ILF2: variants seen among roughly 807,000 people sequenced by gnomAD.
ILF2 encodes interleukin enhancer-binding factor 2.
ILF2 carries 9 observed loss-of-function variants against 55.3 expected under a neutral mutation model. That is an observed-to-expected ratio of 0.16 (90% confidence interval 0.10 to 0.28). ILF2 has a LOEUF of 0.28. Ranked by LOEUF, ILF2 falls within the 10% of genes least tolerant of loss-of-function variation. The pLI is 1.00. For missense variants in ILF2, 266 were observed against 474.9 expected, an observed-to-expected ratio of 0.56 and a Z score of 4.09; for synonymous variants, 151 against 161.8, an observed-to-expected ratio of 0.93 and a Z score of 0.50.
intron 8 of ILF2, 85 bp from the exon 9 acceptor site, chr1:153,664,559 GGAA>G (rs1669259737): frequency 2.8e-6 from 3 of 1,072,388 alleles, no homozygotes; most frequent in African/African-American, 1.5e-5. Flanking sequence ...TTAAAAACTT[GGAA>G]GGAGGGCAGG....
chr1:153,666,183 T>C (rs1352807767), intron 6 of ILF2, among the ~76,000 whole-genome samples: 1 of 151,112 alleles, frequency 6.6e-6, no homozygotes, highest in Non-Finnish European at 1.5e-5. Flanking sequence ...TGCTTTTTTT[T>C]TCTTTTTTTC....
rs904373018 is a variant in ILF2, at chr1:153,667,311, CT to C, written c.394+243del. On this transcript the variant is annotated intron_variant, in intron 6 of 13. Transcript: ENST00000361891. ...CGAGCAACACGGTGAAACCCTGTAT[CT>C]ACAAAAAATACAAAAATTAGCTGGG... 6 of 550,414 alleles carry C rather than the reference CT, an allele frequency of 1.1e-5. No individual in the cohort carries two copies. In the African/African-American group the frequency reaches 1.1e-4, roughly 10 times the overall value. The allele number at this position is 550,414 out of a possible 1,614,324, so 34.1% of individuals were successfully genotyped here. A position where few individuals can be genotyped will look rare whatever the true frequency, so the allele number is the denominator to read the frequency against.
At chr1:153,668,709 G>T in intron 3 of ILF2, 152 bp from the exon 4 acceptor site, 1 of 889,022 alleles carries the variant, frequency 1.1e-6, no homozygotes, top group Non-Finnish European at 1.7e-6. Flanking sequence ...GGGCGTGGTG[G>T]CTCACACCTG....
In ILF2 at chr1:153,662,337, T is replaced by A; in HGVS notation, c.*59A>T. ...ATGTCTGTCACCATGTAAAGCCCAG[T>A]AGCAGGCAGCTTAGGCTCCAGTCTT... On this transcript the variant is annotated 3_prime_UTR_variant, in exon 14 of 14. Coordinates refer to ENST00000361891, the MANE Select transcript of ILF2 (RefSeq NM_004515.4). The A allele has an allele frequency of 1.9e-6, 3 of 1,606,864 alleles. No homozygotes were observed. Among genetic ancestry groups the A allele is most frequent in the Admixed American group, 1.7e-5 (1 of 59,360 alleles).
At chr1:153,663,549 T>G (rs1014906533) in intron 10 of ILF2, among the ~76,000 whole-genome samples, 4 of 151,908 alleles carry the variant, frequency 2.6e-5, no homozygotes, top group African/African-American at 4.8e-5. Flanking sequence ...CCCAGGCTGG[T>G]CTCAAACTCC....
chr1:153,668,735 G>C (rs1669372789), intron 3 of ILF2, among the ~76,000 whole-genome samples, 178 bp from the exon 4 acceptor site: 1 of 151,514 alleles, frequency 6.6e-6, no homozygotes, highest in African/African-American at 2.4e-5. Context: ...CCAGCTACTT[G>C]GGAGGCTGAG....
chr1:153,670,869 A>C lies in ILF2; in HGVS notation c.5+49T>G, dbSNP rs145411921. On this transcript the variant is annotated intron_variant, in intron 1 of 13. Coordinates refer to ENST00000361891, the MANE Select transcript of ILF2 (RefSeq NM_004515.4). ...GACTTCTTTCGGCCCACGTTCACAA[A>C]GTTTTCCGTCGAATACCTGAAACCT... The C allele has an allele frequency of 2.8e-4, 457 of 1,613,092 alleles. No homozygotes were observed. The African/African-American group carries it at 4.5e-3, about 16-fold the overall frequency.
intron 12 of ILF2, 27 bp downstream of exon 12, chr1:153,662,992 C>T: frequency 6.3e-7 from 1 of 1,575,854 alleles, no homozygotes; most frequent in Non-Finnish European, 8.7e-7. Flanking sequence ...TGGGGCAAAA[C>T]AACTCAGTTC....
Position 153,662,391 on chromosome 1 carries a change from G to A in ILF2, c.*5C>T, listed in dbSNP as rs376347950. 7.7e-5 allele frequency: 124 copies of A among 1,613,880 alleles called. No individual in the cohort carries two copies. In the African/African-American group the frequency reaches 1.3e-3, roughly 16 times the overall value. On this transcript the variant is annotated 3_prime_UTR_variant, in exon 14 of 14. Coordinates refer to ENST00000361891, the MANE Select transcript of ILF2 (RefSeq NM_004515.4). Reference sequence around the variant, plus strand: ...CCTTGGGTAGGAAAAGGAGTGAAGGGAATGTCACTCCTGAGTTTCCATGCT... The same window carrying A: ...CCTTGGGTAGGAAAAGGAGTGAAGGAAATGTCACTCCTGAGTTTCCATGCT...
chr1:153,665,805 ACT>A, intron 6 of ILF2, 77 bp from the exon 7 acceptor site: 1 of 1,085,882 alleles, frequency 9.2e-7, no homozygotes, highest in Admixed American at 2.0e-5. Flanking sequence ...GCTACTTTGC[ACT>A]CTCATTTCTG....
chr1:153,664,301 G>A, intron 9 of ILF2, 95 bp downstream of exon 9: 1 of 1,163,384 alleles, frequency 8.6e-7, no homozygotes, highest in East Asian at 2.4e-5. Flanking sequence ...GAGGTCACAG[G>A]CAAAATAGTT....
chr1:153,664,338 T>C (rs1253067480), intron 9 of ILF2, 58 bp downstream of exon 9: 3 of 1,351,736 alleles, frequency 2.2e-6, no homozygotes, highest in Non-Finnish European at 3.2e-6. Flanking sequence ...GGGGGTATCC[T>C]GCTATTCACT....
chr1:153,663,821 A>G (rs1252959854), intron 10 of ILF2, among the ~76,000 whole-genome samples: 3 of 151,840 alleles, frequency 2.0e-5, no homozygotes, highest in African/African-American at 7.3e-5. Context: ...AAAAAAAAAA[A>G]ACTTTGAATT....
intron 10 of ILF2, 141 bp from the exon 11 acceptor site, chr1:153,663,417 C>T (rs996749121): frequency 2.3e-5 from 17 of 747,272 alleles, no homozygotes; most frequent in African/African-American, 5.2e-5. Flanking sequence ...TAACCGCGAA[C>T]TCCTGGGCTC....
chr1:153,666,455 T>G (rs1669308928), intron 6 of ILF2, among the ~76,000 whole-genome samples: 1 of 152,072 alleles, frequency 6.6e-6, no homozygotes, highest in Non-Finnish European at 1.5e-5. Flanking sequence ...CGTGAGCCAC[T>G]GCACCCGGCC....
chr1:153,664,401 C>T lies in ILF2; in HGVS notation c.651G>A (p.Gln217=). 6.2e-7 allele frequency: 1 copy of T among 1,613,562 alleles called. No homozygotes were observed. Among genetic ancestry groups the T allele is most frequent in the Non-Finnish European group, 8.5e-7 (1 of 1,179,474 alleles). The part of the protein sequence containing the change: ...HARWFEENAS[Q]STVKVLIRLL... ...ATGGTTAGAGAGGGACTCACGTGGA[C>T]TGAGAAGCATTTTCCTCGAACCAGC... is the stretch of plus-strand genomic sequence containing the variant. The change falls in exon 9 of 14, where the codon CAG becomes CAA. Residue 217 remains glutamine, a synonymous_variant. Transcript: ENST00000361891.
chr1:153,668,584 C>G (rs766140999), intron 3 of ILF2, 27 bp from the exon 4 acceptor site: 5 of 1,596,444 alleles, frequency 3.1e-6, no homozygotes, highest in South Asian at 1.1e-5. Flanking sequence ...CAACTACATT[C>G]TATTTGCCGA....
rs879039721 is a variant in ILF2 at position 153,667,371 on chromosome 1, G to C, written c.394+184C>G. On this transcript the variant is annotated intron_variant, in intron 6 of 13. Coordinates refer to ENST00000361891, the MANE Select transcript of ILF2 (RefSeq NM_004515.4). Reference sequence around the variant, plus strand: ...CACACATCTGTAGTCCCAGCTACTCGGGAGGCTAAGGCGGGAAGATCACTT... The same window carrying C: ...CACACATCTGTAGTCCCAGCTACTCCGGAGGCTAAGGCGGGAAGATCACTT... 7.0e-5 allele frequency: 44 copies of C among 628,336 alleles called. No individual in the cohort carries two copies. The South Asian group carries it at 7.6e-4, about 11-fold the overall frequency. 38.9% of individuals were successfully genotyped at this position (628,336 alleles called of 1,614,324 possible).
intron 12 of ILF2, 27 bp downstream of exon 12, chr1:153,662,991 AC>A (rs1407902239): frequency 6.4e-7 from 1 of 1,574,512 alleles, no homozygotes; most frequent in South Asian, 1.1e-5. Flanking sequence ...GTGGGGCAAA[AC>A]AACTCAGTTC....
Sources: gnomAD v4.1 joint callset for allele counts (sites outside exome capture counted in the v4.1 genomes callset) on GRCh38, gnomAD v4.1.1 for gene constraint, MANE v1.5 for transcripts, NCBI Gene and HGNC (gene_info 2026-07-23, HGNC 2026-07-21) for gene names.